The following WRN variants were observed in gnomAD, a reference collection of about 807,000 sequenced individuals.
The protein encoded by WRN is bifunctional 3'-5' exonuclease/ATP-dependent helicase WRN.
In WRN, 149 loss-of-function variants were observed where a neutral mutation model predicts 180.7. The observed-to-expected ratio is 0.82, with a 90% CI of 0.72 to 0.94. WRN has a LOEUF of 0.94. Among genes scored for constraint, WRN ranks in the 40% least tolerant of loss-of-function variants. The probability of loss-of-function intolerance (pLI) is 0.00; values close to 1 mark genes in which losing one functional copy is unlikely to be tolerated. For missense variants in WRN, 1,661 were observed against 1,700.1 expected, an observed-to-expected ratio of 0.98 and a Z score of 0.40; for synonymous variants, 548 against 568.9, an observed-to-expected ratio of 0.96 and a Z score of 0.52.
chr8:31,044,128 G>A (rs144906830), intron 1 of WRN, among the ~76,000 whole-genome samples: 1,936 of 148,098 alleles, frequency 0.013, 37 homozygotes, highest in African/African-American at 0.045. Flanking sequence ...TGCAAGCTCC[G>A]CCTCCCAGGT....
At chr8:31,091,658 T>C (rs989546851) in intron 15 of WRN, among the ~76,000 whole-genome samples, 172 bp from the exon 16 acceptor site, 4 of 152,042 alleles carry the variant, frequency 2.6e-5, no homozygotes, top group African/African-American at 9.7e-5. Flanking sequence ...AAACTTGCAT[T>C]CTGATAAGGC....
At chr8:31,148,239 G>A (rs1193376538) in intron 30 of WRN, among the ~76,000 whole-genome samples, 1 of 151,990 alleles carries the variant, frequency 6.6e-6, no homozygotes, top group Admixed American at 6.6e-5. Flanking sequence ...GTTCCTTGTT[G>A]CCTGTCTATG....
rs2130095011 is a variant in WRN, at chr8:31,076,241, G to T, written c.793G>T (p.Ala265Ser). The stretch of plus-strand genomic sequence containing the variant: ...AATCTCTGAGGAAGTGATGGATCTG[G>T]CTAAGCATCTTCCTCATGCTTTCAG... ...TSISEEVMDL[A>S]KHLPHAFSKL... is the part of the protein sequence containing the mutation. The change falls in exon 8 of 35, where the codon GCT becomes TCT. Residue 265 changes from alanine to serine, a missense_variant. Transcript: ENST00000298139. The T allele has an allele frequency of 6.2e-7, 1 of 1,613,688 alleles. No homozygotes were observed. The highest frequency in any genetic ancestry group is 1.1e-5 in the South Asian group (1 of 91,064).
At chr8:31,039,589 TG>T (rs1329079354) in intron 1 of WRN, among the ~76,000 whole-genome samples, 1 of 152,178 alleles carries the variant, frequency 6.6e-6, no homozygotes, top group African/African-American at 2.4e-5. Flanking sequence ...AATATGATGT[TG>T]AAAAGCAGTG....
chr8:31,132,563 T>G (rs911847253), intron 24 of WRN, 57 bp downstream of exon 24: 4 of 1,611,012 alleles, frequency 2.5e-6, no homozygotes, highest in Non-Finnish European at 3.4e-6. Flanking sequence ...TATTACACTT[T>G]TCTTCAGAGG....
At chr8:31,078,283 G>A (rs542878846) in intron 8 of WRN, among the ~76,000 whole-genome samples, 19 of 152,282 alleles carry the variant, frequency 1.2e-4, no homozygotes, top group Admixed American at 7.8e-4. Flanking sequence ...CTTATTTCAT[G>A]CTCTTTGTAA....
chr8:31,062,449 C>T (rs1359576734), intron 3 of WRN, among the ~76,000 whole-genome samples: 6 of 148,212 alleles, frequency 4.0e-5, no homozygotes, highest in South Asian at 4.3e-4. Flanking sequence ...CTCTGTTGCT[C>T]GTGCTGGAGT....
intron 33 of WRN, among the ~76,000 whole-genome samples, chr8:31,162,041 A>G (rs1412468757): frequency 1.3e-5 from 2 of 152,094 alleles, no homozygotes; most frequent in Non-Finnish European, 2.9e-5. Flanking sequence ...GAGTCTACCT[A>G]CTGTATAACG....
intron 1 of WRN, among the ~76,000 whole-genome samples, chr8:31,050,420 G>A (rs1010350499): frequency 1.3e-5 from 2 of 151,796 alleles, no homozygotes; most frequent in Non-Finnish European, 2.9e-5. Flanking sequence ...GTCCCCTAAT[G>A]AAATACTGAT....
chr8:31,076,426 A>G (rs1813099067), intron 8 of WRN, 139 bp downstream of exon 8: 8 of 696,828 alleles, frequency 1.1e-5, no homozygotes, highest in Non-Finnish European at 1.5e-5. Context: ...AGACTGATGC[A>G]TAAATTTGAG....
intron 7 of WRN, among the ~76,000 whole-genome samples, chr8:31,072,396 A>G (rs1036885592): frequency 9.9e-5 from 15 of 152,212 alleles, no homozygotes; most frequent in Non-Finnish European, 2.2e-4. Flanking sequence ...CTATTCAAAC[A>G]GAGAAGAGTC....
chr8:31,144,766 C>G (rs1802794881), intron 28 of WRN, among the ~76,000 whole-genome samples: 1 of 152,150 alleles, frequency 6.6e-6, no homozygotes, highest in African/African-American at 2.4e-5. Flanking sequence ...GCCCCTTGCA[C>G]CAAACAGTTA....
chr8:31,062,403 T>C (rs887459886), intron 3 of WRN, among the ~76,000 whole-genome samples: 1 of 150,352 alleles, frequency 6.7e-6, no homozygotes, highest in African/African-American at 2.5e-5. Flanking sequence ...ATCTTAATTT[T>C]CTTCAATTTT....
Position 31,157,457 on chromosome 8 carries a change from G to C in WRN, c.3909G>C (p.Leu1303Phe). Residue 1303 changes from leucine to phenylalanine, a missense_variant, in exon 33 of 35, where the codon TTG (leucine) becomes TTC (phenylalanine). Physicochemically the swap from Leu to Phe is conservative, Grantham distance 22. This residue lies in a region of WRN where 1,141 missense variants were observed against 1,149.4 expected (regional missense o/e 0.99). Transcript: ENST00000298139. ...TGAAAGCTGGCTGCCCCCTTGATTT[G>C]GAGCGAGCAGGCCTGACTCCAGAGG... ...QAVKAGCPLD[L>F]ERAGLTPEVQ... 1 of 1,613,934 alleles carries C rather than the reference G, an allele frequency of 6.2e-7. No homozygotes were observed. Among genetic ancestry groups the C allele is most frequent in the Admixed American group, 1.7e-5 (1 of 59,984 alleles).
At chr8:31,081,435 T>A in intron 9 of WRN, 139 bp downstream of exon 9, 1 of 899,618 alleles carries the variant, frequency 1.1e-6, no homozygotes, top group Non-Finnish European at 1.7e-6. Flanking sequence ...TCTGTTATTG[T>A]AGTGTGAAAG....
intron 1 of WRN, among the ~76,000 whole-genome samples, chr8:31,048,485 T>C (rs1811955605): frequency 6.6e-6 from 1 of 152,222 alleles, no homozygotes; most frequent in South Asian, 2.1e-4. Flanking sequence ...AGATTGTATA[T>C]ATGTATATGT....
intron 15 of WRN, among the ~76,000 whole-genome samples, chr8:31,091,251 A>G (rs948200723): frequency 2.6e-5 from 4 of 152,118 alleles, no homozygotes; most frequent in African/African-American, 9.6e-5. Flanking sequence ...TAGCTTGATA[A>G]GAAGTGTATA....
chr8:31,064,526 G>A (rs542896005), intron 4 of WRN, 92 bp downstream of exon 4: 108 of 1,527,544 alleles, frequency 7.1e-5, no homozygotes, highest in Middle Eastern at 1.8e-4. Flanking sequence ...TTAGCTGGCC[G>A]TTCTCTCATT....
rs149352926 is a variant in WRN at position 31,042,507 on chromosome 8, C to T, written c.-77+8534C>T. Among the ~76,000 whole-genome samples, 368 of 152,344 alleles carry T rather than the reference C, an allele frequency of 2.4e-3. 1 individual carries two copies. Among genetic ancestry groups the T allele is most frequent in the African/African-American group, 8.6e-3 (358 of 41,590 alleles). ...ATATTGTAACTAATAGTCAGCCCTTCATGGACTTCTATTCTTTGATGAGAC... is the reference window on the plus strand; with the variant it reads ...ATATTGTAACTAATAGTCAGCCCTTTATGGACTTCTATTCTTTGATGAGAC... On this transcript the variant is annotated intron_variant, in intron 1 of 34. Transcript: ENST00000298139.
Sources: allele counts gnomAD v4.1 joint callset (sites outside exome capture counted in the v4.1 genomes callset), GRCh38; gene constraint gnomAD v4.1.1; regional missense constraint gnomAD v4.1.1; transcripts MANE v1.5; gene names NCBI Gene and HGNC (gene_info 2026-07-23, HGNC 2026-07-21).